The following LRP1B variants were observed in gnomAD, a reference collection of about 807,000 sequenced individuals.
LRP1B encodes the protein low-density lipoprotein receptor-related protein 1B.
A neutral mutation model predicts 556.6 loss-of-function variants in LRP1B; 217 were observed. The observed-to-expected ratio is 0.39, with a 90% confidence interval of 0.35 to 0.44. The LOEUF is 0.44. Among genes scored for constraint, LRP1B ranks in the 20% least tolerant of loss-of-function variants. The pLI is 1.00. For synonymous variants in LRP1B, 2,047 were observed against 1,865.8 expected, an observed-to-expected ratio of 1.10 and a Z score of -2.50; for missense variants, 5,053 against 5,620.8, an observed-to-expected ratio of 0.90 and a Z score of 3.23.
At chr2:141,225,244 A>C (rs1036667800) in intron 6 of LRP1B, among the ~76,000 whole-genome samples, 1 of 152,182 alleles carries the variant, frequency 6.6e-6, no homozygotes, top group Admixed American at 6.6e-5. Context: ...GGCTAAATCC[A>C]TGTTAAAATC....
At chr2:140,739,864 A>G (rs1462783759) in intron 35 of LRP1B, among the ~76,000 whole-genome samples, 2 of 152,188 alleles carry the variant, frequency 1.3e-5, no homozygotes, top group African/African-American at 2.4e-5. Flanking sequence ...TGGGCTAAAG[A>G]CATGAATGGA....
intron 1 of LRP1B, among the ~76,000 whole-genome samples, chr2:142,044,436 G>A (rs537610336): frequency 6.6e-6 from 1 of 151,818 alleles, no homozygotes; most frequent in East Asian, 2.0e-4. Context: ...TGTTTCAGAG[G>A]TTGAGCTGAT....
intron 66 of LRP1B, among the ~76,000 whole-genome samples, chr2:140,408,398 T>C (rs1170135991): frequency 6.6e-6 from 1 of 152,004 alleles, no homozygotes; most frequent in East Asian, 1.9e-4. Context: ...CTAGGCGATC[T>C]TGTGAGCTCT....
chr2:140,809,214 T>C (rs1429353), intron 32 of LRP1B, among the ~76,000 whole-genome samples: 1 of 152,214 alleles, frequency 6.6e-6, no homozygotes, highest in African/African-American at 2.4e-5. Context: ...ATAGCTAGCC[T>C]ATATAGTAGG....
rs1261441158 is a variant in LRP1B, at chr2:140,702,225, C to T, written c.6218G>A (p.Gly2073Glu). Residue 2073 changes from glycine (G) to glutamate (E), a missense_variant, in exon 39 of 91, where the codon GGG (glycine) becomes GAG (glutamate). Gly to Glu is a moderately conservative substitution (Grantham distance 98, BLOSUM62 -2). Transcript: ENST00000389484. ...KIERIDLETGGNREMVLSGSN... is the reference protein window; with the variant it reads ...KIERIDLETGENREMVLSGSN... The stretch of plus-strand genomic sequence containing the variant: ...TCCTGACAGCACCATCTCGCGATTC[C>T]CTCCAGTCTCAAGGTCGATTCTCTC... The T allele has an allele frequency of 7.4e-6, 12 of 1,613,628 alleles. No homozygotes were observed. In the Admixed American group the frequency reaches 1.5e-4, roughly 20 times the overall value.
At chr2:141,919,906 A>C (rs2104970699) in intron 1 of LRP1B, among the ~76,000 whole-genome samples, 1 of 152,174 alleles carries the variant, frequency 6.6e-6, no homozygotes, top group South Asian at 2.1e-4. Context: ...AAAGTTCAAT[A>C]GAGAAATGTC....
rs535108051 is a variant in LRP1B at position 140,257,470 on chromosome 2, A to G, written c.13248-10308T>C. Among the ~76,000 whole-genome samples, 191 of 152,276 alleles carry G rather than the reference A, an allele frequency of 1.3e-3. 2 individuals are homozygous for G. The highest frequency in any genetic ancestry group is 4.3e-3 in the African/African-American group (180 of 41,578). On this transcript the variant is annotated intron_variant, in intron 86 of 90. Coordinates refer to ENST00000389484, the MANE Select transcript of LRP1B (RefSeq NM_018557.3). ...AGAGCTGCTTGATAATAGCTGCCCA[A>G]TACACAACTACGTAATTGTTCTTTA...
At chr2:141,810,145 GA>G in intron 2 of LRP1B, 133 bp downstream of exon 2, 1 of 451,400 alleles carries the variant, frequency 2.2e-6, no homozygotes, top group African/African-American at 3.5e-5. Context: ...AAGAAAGAAA[GA>G]AAGAAAGAAA....
At chr2:140,897,479 C>G (rs570873860) in intron 23 of LRP1B, among the ~76,000 whole-genome samples, 1 of 152,114 alleles carries the variant, frequency 6.6e-6, no homozygotes, top group African/African-American at 2.4e-5. Context: ...TATTGAGGAT[C>G]AACTTAATTG....
At chr2:141,756,697 T>C (rs1383412350) in intron 2 of LRP1B, among the ~76,000 whole-genome samples, 1 of 152,114 alleles carries the variant, frequency 6.6e-6, no homozygotes, top group Non-Finnish European at 1.5e-5. Flanking sequence ...CATGTTCCCA[T>C]ACACAAATAC....
intron 65 of LRP1B, among the ~76,000 whole-genome samples, chr2:140,442,961 C>T (rs953552909): frequency 6.6e-6 from 1 of 151,990 alleles, no homozygotes; most frequent in South Asian, 2.1e-4. Flanking sequence ...AATAAGAATT[C>T]ATAGGTATAC....
At chr2:141,459,768 C>T (rs542394247) in intron 3 of LRP1B, among the ~76,000 whole-genome samples, 4 of 152,192 alleles carry the variant, frequency 2.6e-5, no homozygotes, top group African/African-American at 2.4e-5. Context: ...AGGCCTCCCC[C>T]GCCACATGGA....
intron 1 of LRP1B, among the ~76,000 whole-genome samples, chr2:141,887,969 A>T (rs1699176424): frequency 6.6e-6 from 1 of 152,206 alleles, no homozygotes; most frequent in African/African-American, 2.4e-5. Flanking sequence ...ACTAAAGATG[A>T]TTTCCCTCTT....
chr2:141,987,549 G>GTTTTTTTTTTTTTTTTTTTTTTTT (rs5834887), intron 1 of LRP1B, among the ~76,000 whole-genome samples: 4 of 139,982 alleles, frequency 2.9e-5, no homozygotes, highest in Non-Finnish European at 4.6e-5. Context: ...GATTTAAGCT[G>GTTTTTTTTTTTTTTTTTTTTTTTT]TTTTTTTTTT....
chr2:140,261,301 A>G (rs867835515), intron 86 of LRP1B, among the ~76,000 whole-genome samples: 2 of 151,890 alleles, frequency 1.3e-5, no homozygotes, highest in Admixed American at 6.6e-5. Flanking sequence ...ATAGTTTTAT[A>G]CTATTCTAGT....
intron 2 of LRP1B, among the ~76,000 whole-genome samples, chr2:141,736,480 G>A (rs1461818665): frequency 6.6e-6 from 1 of 152,184 alleles, no homozygotes; most frequent in Non-Finnish European, 1.5e-5. Flanking sequence ...AGAACATCAT[G>A]TGAAGACACA....
intron 3 of LRP1B, among the ~76,000 whole-genome samples, chr2:141,469,673 T>C (rs1682386082): frequency 6.6e-6 from 1 of 152,222 alleles, no homozygotes; most frequent in African/African-American, 2.4e-5. Flanking sequence ...AAACACTGGC[T>C]GAAAATCTCT....
At chr2:141,884,775 G>A (rs927621551) in intron 1 of LRP1B, among the ~76,000 whole-genome samples, 5 of 152,114 alleles carry the variant, frequency 3.3e-5, no homozygotes, top group Non-Finnish European at 5.9e-5. Context: ...AGAGATTATT[G>A]CCCCTACATT....
At chr2:141,615,558 T>C (rs1202971111) in intron 2 of LRP1B, among the ~76,000 whole-genome samples, 2 of 136,974 alleles carry the variant, frequency 1.5e-5, no homozygotes, top group East Asian at 5.0e-4. Context: ...TAAAATTTTA[T>C]ATTTAATATA....
Sources: gnomAD v4.1 joint callset for allele counts (sites outside exome capture counted in the v4.1 genomes callset) on GRCh38, gnomAD v4.1.1 for gene constraint, MANE v1.5 for transcripts, NCBI Gene and HGNC (gene_info 2026-07-23, HGNC 2026-07-21) for gene names.